SLC45A1: variants seen among roughly 807,000 people sequenced by gnomAD.
The protein encoded by SLC45A1 is proton-associated sugar transporter A.
In SLC45A1, 28 loss-of-function variants were observed where a neutral mutation model predicts 57.6. That is an observed-to-expected ratio of 0.49 (90% CI 0.36 to 0.67). The LOEUF (loss-of-function observed/expected upper bound fraction) is 0.67, where lower values mean the gene tolerates loss of function less well. Ranked by LOEUF, SLC45A1 falls within the 30% of genes least tolerant of loss-of-function variation. The pLI is 0.00. For synonymous variants in SLC45A1, 459 were observed against 471.5 expected, an observed-to-expected ratio of 0.97 and a Z score of 0.34; for missense variants, 814 against 1,041.5, an observed-to-expected ratio of 0.78 and a Z score of 3.01.
In SLC45A1 at chr1:8,338,113, C is replaced by A. The variant is rs930157430; in HGVS notation, c.1774+121C>A. ...AGACACCACATCCCAATTTGGGGGA[C>A]GCCACTGTCTTTCCCGGCTGCAGGG... On this transcript the variant is annotated intron_variant, in intron 7 of 8. Transcript: ENST00000471889. 1.1e-5 allele frequency: 10 copies of A among 914,942 alleles called. No homozygotes were observed. In the African/African-American group the frequency reaches 1.5e-4, roughly 14 times the overall value. 56.7% of individuals were successfully genotyped at this position (914,942 alleles called of 1,614,324 possible).
rs902240590 is a variant in SLC45A1, at chr1:8,327,716, G to A, written c.715+1674G>A. On this transcript the variant is annotated intron_variant, in intron 4 of 8. Transcript: ENST00000471889. The surrounding 1 kb of genome is among the most constrained non-coding windows in gnomAD (Gnocchi z 4.3). ...ACTTGCCTTGTTACAGAATAAAATG[G>A]AAGAAAAAAATTCCATTTAAAATAG... Among the ~76,000 whole-genome samples, 3 of 151,932 alleles carry A rather than the reference G, an allele frequency of 2.0e-5. No homozygotes were observed. The highest frequency in any genetic ancestry group is 4.4e-5 in the Non-Finnish European group (3 of 67,976).
intron 8 of SLC45A1, among the ~76,000 whole-genome samples, chr1:8,341,118 G>C (rs1410161161): frequency 1.3e-5 from 2 of 151,634 alleles, no homozygotes; most frequent in African/African-American, 4.9e-5. Context: ...CTTGAATCTG[G>C]GAGGCGGAGG....
intron 1 of SLC45A1, among the ~76,000 whole-genome samples, chr1:8,319,391 C>G (rs762743879): frequency 2.0e-5 from 3 of 152,158 alleles, no homozygotes; most frequent in Non-Finnish European, 4.4e-5. Flanking sequence ...GGTTTCCGCT[C>G]GTAGTAGGAT....
intron 1 of SLC45A1, among the ~76,000 whole-genome samples, chr1:8,319,952 A>G (rs949093103): frequency 7.2e-5 from 11 of 152,186 alleles, no homozygotes; most frequent in African/African-American, 1.9e-4. Flanking sequence ...TCCTGAGCTC[A>G]GGTGATCCAC....
intron 6 of SLC45A1, among the ~76,000 whole-genome samples, chr1:8,336,765 A>G (rs1557567046): frequency 6.6e-6 from 1 of 152,220 alleles, no homozygotes; most frequent in Non-Finnish European, 1.5e-5. Context: ...GATGGCATAG[A>G]ACATTGTAGA....
Position 8,343,938 on chromosome 1 carries a change from CCTGTT to C in SLC45A1, c.2173_2177del (p.Leu725CysfsTer4). On this transcript the variant is annotated frameshift_variant, in exon 9 of 9. Coordinates refer to ENST00000471889, the MANE Select transcript of SLC45A1 (RefSeq NM_001080397.3). LOFTEE classifies it high-confidence loss of function. This position sits in a 1 kb window ranked among gnomAD's most constrained non-coding sequence, Gnocchi z 7.7. Reference sequence around the variant, plus strand: ...CCTTCCTGGGCTGCCTGTACTCCTCCCTGTTTGTCATTTATGAAATTCCTCCCAGC... The same window carrying C: ...CCTTCCTGGGCTGCCTGTACTCCTCCTGTCATTTATGAAATTCCTCCCAGC... 1 of 1,614,094 alleles carries C rather than the reference CCTGTT, an allele frequency of 6.2e-7. No homozygotes were observed. Among genetic ancestry groups the C allele is most frequent in the Non-Finnish European group, 8.5e-7 (1 of 1,180,000 alleles).
At chr1:8,338,114 G>T (rs1201514333) in intron 7 of SLC45A1, 122 bp downstream of exon 7, 4 of 907,838 alleles carry the variant, frequency 4.4e-6, no homozygotes, top group Non-Finnish European at 6.6e-6. Context: ...TTTGGGGGAC[G>T]CCACTGTCTT....
At chr1:8,320,676 TGTTTCTCTCTCTCTCTACACACAC>T (rs1460194391) in intron 1 of SLC45A1, among the ~76,000 whole-genome samples, 4 of 73,954 alleles carry the variant, frequency 5.4e-5, no homozygotes, top group African/African-American at 1.6e-4. Context: ...TCTCTCTCTC[TGTTTCTCTCTCTCTCTACACACAC>T]ACACACACAC....
At chr1:8,321,072 A>G (rs952299994) in intron 1 of SLC45A1, among the ~76,000 whole-genome samples, 1 of 152,158 alleles carries the variant, frequency 6.6e-6, no homozygotes, top group Non-Finnish European at 1.5e-5. Flanking sequence ...CTTTTGATGA[A>G]TGAAGCTCCA....
rs191155736 is a variant in SLC45A1, at chr1:8,330,234, G to A, written c.741G>A (p.Val247=). The change falls in exon 5 of 9, where the codon GTG becomes GTA. Residue 247 remains valine, a synonymous_variant. Transcript: ENST00000471889. This position sits in a 1 kb window ranked among gnomAD's most constrained non-coding sequence, Gnocchi z 8.4. ...GTCTCGGAGGAGGCTTTGGATACGT[G>A]GTCGGCGGAATCCACTGGGATAAAA... ...LAGLGGGFGY[V]VGGIHWDKTG... is the part of the protein sequence containing the mutation. The A allele has an allele frequency of 9.4e-5, 151 of 1,613,858 alleles. No individual in the cohort carries two copies. In the African/African-American group the frequency reaches 1.7e-3, roughly 18 times the overall value.
At position 8,330,508 on chromosome 1, in the gene SLC45A1, T is replaced by G; in HGVS notation, c.1015T>G (p.Ser339Ala). The change falls in exon 5 of 9, where the codon TCG becomes GCG. Residue 339 changes from serine (S) to alanine (A), a missense_variant. Ser to Ala is a moderately conservative substitution (Grantham distance 99, BLOSUM62 1). Coordinates refer to ENST00000471889, the MANE Select transcript of SLC45A1 (RefSeq NM_001080397.3). The surrounding 1 kb of genome is among the most constrained non-coding windows in gnomAD (Gnocchi z 8.4). ...HTATNFSSPISPPSPLTPKYG... is the reference protein window; with the variant it reads ...HTATNFSSPIAPPSPLTPKYG... ...GGCCACCAACTTCTCCAGCCCCATC[T>G]CGCCGCCCAGCCCCCTCACGCCCAA... is the stretch of plus-strand genomic sequence containing the variant. 1.2e-6 allele frequency: 2 copies of G among 1,612,916 alleles called. No individual in the cohort carries two copies. The highest frequency in any genetic ancestry group is 1.7e-6 in the Non-Finnish European group (2 of 1,179,892).
In SLC45A1 at chr1:8,335,642, C is replaced by T. The variant is rs765441060; in HGVS notation, c.1597+52C>T. 1.4e-5 allele frequency: 21 copies of T among 1,520,108 alleles called. No homozygotes were observed. The highest frequency in any genetic ancestry group is 4.8e-5 in the East Asian group (2 of 42,080). 94.2% of individuals were successfully genotyped at this position (1,520,108 alleles called of 1,614,324 possible). ...GAGTCCTGGTCCTGCTCAGGGCTCT[C>T]GCCCCACTGGCCTCCCAGGATGCCC... is the stretch of plus-strand genomic sequence containing the variant. On this transcript the variant is annotated intron_variant, in intron 6 of 8. Transcript: ENST00000471889. This position sits in a 1 kb window ranked among gnomAD's most constrained non-coding sequence, Gnocchi z 4.1.
intron 5 of SLC45A1, among the ~76,000 whole-genome samples, chr1:8,334,917 G>A (rs1017727472): frequency 2.0e-5 from 3 of 151,880 alleles, no homozygotes; most frequent in South Asian, 2.1e-4. Context: ...GGGGCGTGTC[G>A]TGTGCTCTCT....
intron 6 of SLC45A1, among the ~76,000 whole-genome samples, chr1:8,337,030 ACT>A (rs111337937): frequency 0.18 from 27,572 of 152,030 alleles, 2,688 homozygotes; most frequent in South Asian, 0.33. Context: ...TTGTAAGGAA[ACT>A]CTGTTAGTCT....
At chr1:8,329,450 G>A (rs376313409) in intron 4 of SLC45A1, among the ~76,000 whole-genome samples, 1 of 152,234 alleles carries the variant, frequency 6.6e-6, no homozygotes, top group Admixed American at 6.5e-5. Context: ...CTGGGGTGGT[G>A]CCCCTGCAGC....
At position 8,343,786 on chromosome 1, in the gene SLC45A1, G is replaced by A. The variant is rs371424080; in HGVS notation, c.2020G>A (p.Gly674Ser). The change falls in exon 9 of 9, where the codon GGC (glycine) becomes AGC (serine). Residue 674 changes from glycine (G) to serine (S), a missense_variant. Transcript: ENST00000471889. This position sits in a 1 kb window ranked among gnomAD's most constrained non-coding sequence, Gnocchi z 7.7. ...SSADGTRRGM[G>S]VDISLLSCQY... ...TGCGGACGGCACCCGGCGGGGCATG[G>A]GCGTGGACATCTCTCTGCTGAGCTG... is the stretch of plus-strand genomic sequence containing the variant. The A allele has an allele frequency of 6.2e-7, 1 of 1,613,934 alleles. No individual in the cohort carries two copies. The highest frequency in any genetic ancestry group is 1.3e-5 in the African/African-American group (1 of 74,904).
chr1:8,324,625 T>G lies in SLC45A1; in HGVS notation c.296T>G (p.Phe99Cys). 6.2e-7 allele frequency: 1 copy of G among 1,611,410 alleles called. No individual in the cohort carries two copies. The highest frequency in any genetic ancestry group is 8.5e-7 in the Non-Finnish European group (1 of 1,179,174). ...GGCTGCATTCTCTTTGGCATCGAGT[T>G]CAGCTACGCCATGGAGACGGCGTAC... is the stretch of plus-strand genomic sequence containing the variant. ...FNGCILFGIEFSYAMETAYVT... is the reference protein window; with the variant it reads ...FNGCILFGIECSYAMETAYVT... Residue 99 changes from phenylalanine to cysteine, a missense_variant, in exon 2 of 9, where the codon TTC becomes TGC. By Grantham distance (205) the Phe-to-Cys change is radical. Coordinates refer to ENST00000471889, the MANE Select transcript of SLC45A1 (RefSeq NM_001080397.3).
In SLC45A1 at chr1:8,325,265, C is replaced by T. The variant is rs1228023722; in HGVS notation, c.398-33C>T. 4.0e-6 allele frequency: 6 copies of T among 1,488,898 alleles called. No homozygotes were observed. The highest frequency in any genetic ancestry group is 5.6e-6 in the Non-Finnish European group (6 of 1,067,708). 92.2% of individuals were successfully genotyped at this position (1,488,898 alleles called of 1,614,324 possible). On this transcript the variant is annotated intron_variant, in intron 2 of 8. Coordinates refer to ENST00000471889, the MANE Select transcript of SLC45A1 (RefSeq NM_001080397.3). The surrounding 1 kb of genome is among the most constrained non-coding windows in gnomAD (Gnocchi z 6.3). ...CGATGTCCCCATGTGCCATGGGGAC[C>T]CTGGCAATGACCGCTGGCCTGCTCT...
At position 8,318,134 on chromosome 1, in the gene SLC45A1, C is replaced by G. The variant is rs899152011; in HGVS notation, c.-77C>G. 2.1e-6 allele frequency: 1 copy of G among 465,870 alleles called. No individual in the cohort carries two copies. The allele number at this position is 465,870 out of a possible 1,614,324, so 28.9% of individuals were successfully genotyped here. ...ATGCTGCAGCAGCCGGGACCGCGGC[C>G]GGGCAGGCAGCAGCCCAGCGGGGAC... On this transcript the variant is annotated 5_prime_UTR_variant, in exon 1 of 9. Coordinates refer to ENST00000471889, the MANE Select transcript of SLC45A1 (RefSeq NM_001080397.3).
Sources: gnomAD v4.1 joint callset for allele counts (sites outside exome capture counted in the v4.1 genomes callset) on GRCh38, gnomAD v4.1.1 for gene constraint, Gnocchi (gnomAD v3.1) non-coding constraint, MANE v1.5 for transcripts, NCBI Gene and HGNC (gene_info 2026-07-23, HGNC 2026-07-21) for gene names.